SUGCT: variants seen among roughly 807,000 people sequenced by gnomAD.
The protein encoded by SUGCT is succinyl-CoA:glutarate-CoA transferase.
SUGCT carries 41 observed loss-of-function variants against 55.0 expected under a neutral mutation model. That is an observed-to-expected ratio of 0.74 (90% CI 0.58 to 0.97). The LOEUF (loss-of-function observed/expected upper bound fraction) is 0.97, where lower values mean the gene tolerates loss of function less well. Ranked by LOEUF, SUGCT falls within the 50% of genes least tolerant of loss-of-function variation. The probability of loss-of-function intolerance (pLI) is 0.00; values close to 1 mark genes in which losing one functional copy is unlikely to be tolerated. For synonymous variants in SUGCT, 187 were observed against 200.4 expected, an observed-to-expected ratio of 0.93 and a Z score of 0.56; for missense variants, 568 against 547.8, an observed-to-expected ratio of 1.04 and a Z score of -0.37.
intron 12 of SUGCT, among the ~76,000 whole-genome samples, chr7:40,673,540 TTTTA>T (rs1264890774): frequency 6.6e-6 from 1 of 152,194 alleles, no homozygotes; most frequent in Admixed American, 6.5e-5. Context: ...TCTTTTCCTT[TTTTA>T]TTTATTTATG....
At chr7:40,841,913 C>T (rs1229061287) in intron 13 of SUGCT, among the ~76,000 whole-genome samples, 2 of 152,138 alleles carry the variant, frequency 1.3e-5, no homozygotes, top group South Asian at 2.1e-4. Context: ...AATGACCATA[C>T]TCAGATCCAC....
At chr7:40,455,630 A>G (rs1789442335) in intron 10 of SUGCT, among the ~76,000 whole-genome samples, 3 of 152,226 alleles carry the variant, frequency 2.0e-5, no homozygotes, top group African/African-American at 7.2e-5. Context: ...CTTATTTAAC[A>G]TTTGTGCTGG....
the SUGCT span, among the ~76,000 whole-genome samples, chr7:40,942,424 A>G: frequency 0.051 from 7,743 of 152,192 alleles, 294 homozygotes; most frequent in South Asian, 0.16. Flanking sequence ...TTTTGCTGAT[A>G]ATTCTGCTGC....
the SUGCT span, among the ~76,000 whole-genome samples, chr7:40,897,492 C>T: frequency 6.6e-6 from 1 of 151,512 alleles, no homozygotes; most frequent in Non-Finnish European, 1.5e-5. Context: ...TACCTTCCAG[C>T]ACGTGAGGAA....
At chr7:40,186,351 T>A (rs751886797) in intron 3 of SUGCT, among the ~76,000 whole-genome samples, 76 of 151,482 alleles carry the variant, frequency 5.0e-4, no homozygotes, top group Non-Finnish European at 9.0e-4. Flanking sequence ...ATTGACCTCC[T>A]GAGCTCAAGT....
chr7:40,774,540 A>G (rs1457636770), intron 13 of SUGCT, among the ~76,000 whole-genome samples: 1 of 152,104 alleles, frequency 6.6e-6, no homozygotes, highest in Non-Finnish European at 1.5e-5. Flanking sequence ...TTTTTGCTAC[A>G]TTTTGATTTT....
chr7:40,322,245 C>T (rs1177531558), intron 9 of SUGCT, among the ~76,000 whole-genome samples: 1 of 152,136 alleles, frequency 6.6e-6, no homozygotes, highest in Non-Finnish European at 1.5e-5. Flanking sequence ...GTGTCTCTCT[C>T]TCTCCCTTCT....
intron 12 of SUGCT, among the ~76,000 whole-genome samples, chr7:40,633,036 C>T (rs1799860739): frequency 6.6e-6 from 1 of 152,166 alleles, no homozygotes; most frequent in South Asian, 2.1e-4. Context: ...ATGTGCAAGG[C>T]ACTATCCCTA....
At chr7:40,805,624 A>G in intron 13 of SUGCT, among the ~76,000 whole-genome samples, 1 of 152,224 alleles carries the variant, frequency 6.6e-6, no homozygotes, top group Non-Finnish European at 1.5e-5. Flanking sequence ...CACTGTCTGG[A>G]AGCCAAAATA....
chr7:40,368,687 A>G (rs187838945), intron 9 of SUGCT, among the ~76,000 whole-genome samples: 1 of 152,336 alleles, frequency 6.6e-6, no homozygotes, highest in East Asian at 1.9e-4. Context: ...ACTAGGCATG[A>G]AACCTCATGA....
intron 12 of SUGCT, among the ~76,000 whole-genome samples, chr7:40,748,638 ATTAAT>A (rs1190109353): frequency 6.6e-6 from 1 of 151,684 alleles, no homozygotes; most frequent in African/African-American, 2.4e-5. Flanking sequence ...TTTGAAATAA[ATTAAT>A]TTAATATAGA....
chr7:40,227,017 A>G (rs1475816482), intron 6 of SUGCT, among the ~76,000 whole-genome samples: 1 of 151,134 alleles, frequency 6.6e-6, no homozygotes, highest in East Asian at 1.9e-4. Context: ...AAAGTCACCT[A>G]AAGTAGAGAG....
chr7:40,789,121 A>C (rs968620719), intron 13 of SUGCT, among the ~76,000 whole-genome samples: 6 of 152,180 alleles, frequency 3.9e-5, no homozygotes, highest in African/African-American at 1.2e-4. Flanking sequence ...TATTGTAAGA[A>C]AACTTACCGT....
chr7:40,591,193 G>A (rs2151733728), intron 12 of SUGCT, among the ~76,000 whole-genome samples: 1 of 152,336 alleles, frequency 6.6e-6, no homozygotes, highest in South Asian at 2.1e-4. Flanking sequence ...ATAGGAGGAG[G>A]TTGAAATACC....
chr7:40,935,612 C>T, the SUGCT span, among the ~76,000 whole-genome samples: 1 of 152,186 alleles, frequency 6.6e-6, no homozygotes, highest in Non-Finnish European at 1.5e-5. Flanking sequence ...GAATAATATT[C>T]CATTGAATGG....
chr7:40,226,812 A>G (rs991442386), intron 6 of SUGCT, among the ~76,000 whole-genome samples: 1 of 151,996 alleles, frequency 6.6e-6, no homozygotes, highest in African/African-American at 2.4e-5. Flanking sequence ...CATATCACTT[A>G]AAAATTTATT....
chr7:40,277,363 A>AT (rs1359259075), intron 8 of SUGCT, among the ~76,000 whole-genome samples: 1 of 136,136 alleles, frequency 7.3e-6, no homozygotes, highest in African/African-American at 2.9e-5. Context: ...TTTTTTTTGT[A>AT]TTTTTTGGTA....
intron 12 of SUGCT, among the ~76,000 whole-genome samples, chr7:40,628,611 A>G (rs188827481): frequency 9.2e-5 from 14 of 152,330 alleles, no homozygotes; most frequent in Admixed American, 8.5e-4. Flanking sequence ...AGTTTAAATG[A>G]AGTGTGTGTA....
the SUGCT span, among the ~76,000 whole-genome samples, chr7:40,959,724 A>G: frequency 6.6e-6 from 1 of 152,180 alleles, no homozygotes; most frequent in South Asian, 2.1e-4. Flanking sequence ...GAAAAAAAAA[A>G]AAAAAACTCC....
Sources: gnomAD v4.1 joint callset for allele counts (sites outside exome capture counted in the v4.1 genomes callset) on GRCh38, gnomAD v4.1.1 for gene constraint, MANE v1.5 for transcripts, NCBI Gene and HGNC (gene_info 2026-07-23, HGNC 2026-07-21) for gene names.